Variants in CSRNP3 observed in about 807,000 individuals in gnomAD.
The protein encoded by CSRNP3 is cysteine and serine rich nuclear protein 3.
CSRNP3 carries 12 observed loss-of-function variants against 48.0 expected under a neutral mutation model. The ratio of observed to expected loss-of-function variants is 0.25; its 90% CI spans 0.16 to 0.41. CSRNP3 has a LOEUF of 0.41. Among genes scored for constraint, CSRNP3 ranks in the 10% least tolerant of loss-of-function variants. The pLI is 1.00. For synonymous variants in CSRNP3, 263 were observed against 269.7 expected (o/e 0.98, Z 0.24); for missense variants, 580 against 724.4 (o/e 0.80, Z 2.29).
In CSRNP3 at chr2:165,498,167, T is replaced by C. The variant is rs942314130; in HGVS notation, c.-113+3239T>C. ...TGATGGAAATATCTTACAGCAAACATGTTGTTTTACATTTACATGAAGGAA... is the reference window on the plus strand; with the variant it reads ...TGATGGAAATATCTTACAGCAAACACGTTGTTTTACATTTACATGAAGGAA... On this transcript the variant is annotated intron_variant, in intron 2 of 6. Coordinates refer to ENST00000651982, the MANE Select transcript of CSRNP3 (RefSeq NM_001172173.2). Among the ~76,000 whole-genome samples the C allele has an allele frequency of 7.9e-5, 12 of 152,054 alleles. No individual in the cohort carries two copies. The South Asian group carries it at 2.1e-3, about 26-fold the overall frequency.
chr2:165,490,326 A>G (rs1292808738), intron 1 of CSRNP3, among the ~76,000 whole-genome samples: 1 of 148,014 alleles, frequency 6.8e-6, no homozygotes, highest in Non-Finnish European at 1.5e-5. Context: ...AGAAAATTCC[A>G]TGCTCATGGG....
rs149528375 is a variant in CSRNP3 at position 165,528,863 on chromosome 2, A to C, written c.-24+10902A>C. On this transcript the variant is annotated intron_variant, in intron 3 of 6. Coordinates refer to ENST00000651982, the MANE Select transcript of CSRNP3 (RefSeq NM_001172173.2). ...TCCATGGGTCTGGCAGGAGCTGGGG[A>C]CAAGTGTGAGCCCCATTCCTTCCAA... 8.5e-3 allele frequency among the ~76,000 whole-genome samples: 1,290 copies of C among 152,210 alleles called. 23 individuals carry two copies. The highest frequency in any genetic ancestry group is 0.029 in the African/African-American group (1,211 of 41,528).
intron 2 of CSRNP3, among the ~76,000 whole-genome samples, chr2:165,508,472 CTTTT>C (rs1381213299): frequency 6.6e-6 from 1 of 151,996 alleles, no homozygotes; most frequent in Non-Finnish European, 1.5e-5. Flanking sequence ...TTTCTTTCTT[CTTTT>C]TTATTTTTTG....
chr2:165,623,658 A>G (rs550336855), intron 4 of CSRNP3, among the ~76,000 whole-genome samples: 1 of 152,332 alleles, frequency 6.6e-6, no homozygotes, highest in East Asian at 1.9e-4. Context: ...GAACACTGTA[A>G]TCATGCTTTT....
intron 3 of CSRNP3, among the ~76,000 whole-genome samples, chr2:165,529,303 A>G (rs1036895022): frequency 2.6e-5 from 4 of 152,044 alleles, no homozygotes; most frequent in Non-Finnish European, 5.9e-5. Context: ...TGAATTCCCA[A>G]AGGGACCCTG....
At chr2:165,534,470 G>A (rs1558927554) in intron 3 of CSRNP3, among the ~76,000 whole-genome samples, 3 of 151,850 alleles carry the variant, frequency 2.0e-5, no homozygotes, top group African/African-American at 7.2e-5. Flanking sequence ...AGAAATATTT[G>A]TTAAAACACT....
chr2:165,566,842 A>G (rs1685304542), intron 3 of CSRNP3: 1 of 152,032 alleles, frequency 6.6e-6, no homozygotes, highest in African/African-American at 2.4e-5. Flanking sequence ...ACTTGGTTCC[A>G]AGAGTATAGA....
intron 2 of CSRNP3, among the ~76,000 whole-genome samples, chr2:165,498,210 A>G (rs2105463130): frequency 6.6e-6 from 1 of 152,210 alleles, no homozygotes; most frequent in South Asian, 2.1e-4. Flanking sequence ...TGTCTTGGTG[A>G]CATAATGCTG....
intron 2 of CSRNP3, among the ~76,000 whole-genome samples, chr2:165,502,683 C>A (rs771564847): frequency 1.3e-5 from 2 of 151,842 alleles, no homozygotes; most frequent in Non-Finnish European, 2.9e-5. Context: ...GGTATTTTCT[C>A]TCTGTCTGTC....
At chr2:165,469,944 A>G (rs903726853) in intron 1 of CSRNP3, among the ~76,000 whole-genome samples, 1 of 152,102 alleles carries the variant, frequency 6.6e-6, no homozygotes, top group Non-Finnish European at 1.5e-5. Flanking sequence ...CTGATTAAAA[A>G]CAAAACAAAA....
chr2:165,678,935 G>T lies in CSRNP3; in HGVS notation c.940G>T (p.Ala314Ser), dbSNP rs575009422. The T allele has an allele frequency of 6.2e-7, 1 of 1,613,966 alleles. No individual in the cohort carries two copies. The highest frequency in any genetic ancestry group is 1.3e-5 in the African/African-American group (1 of 75,016). ...PVAHSVEYSIADSFEIETEPQ... is the reference protein window; with the variant it reads ...PVAHSVEYSISDSFEIETEPQ... ...CGCTCACTCCGTAGAATATTCAATC[G>T]CAGACAGTTTTGAGATTGAAACTGA... Residue 314 changes from alanine (A) to serine (S), a missense_variant, in exon 7 of 7, where the codon GCA (alanine) becomes TCA (serine). By Grantham distance (99) the Ala-to-Ser change is moderately conservative. Coordinates refer to ENST00000651982, the MANE Select transcript of CSRNP3 (RefSeq NM_001172173.2).
intron 4 of CSRNP3, among the ~76,000 whole-genome samples, chr2:165,615,040 T>C (rs956587725): frequency 6.6e-6 from 1 of 152,348 alleles, no homozygotes; most frequent in South Asian, 2.1e-4. Flanking sequence ...TCTTCAGCCA[T>C]TGGATTTAAT....
intron 5 of CSRNP3, 38 bp downstream of exon 5, chr2:165,658,058 C>T: frequency 1.3e-6 from 2 of 1,583,154 alleles, no homozygotes; most frequent in Non-Finnish European, 1.7e-6. Context: ...GTCTCATATC[C>T]TTACAGCAAT....
chr2:165,638,297 A>G (rs1686665178), intron 4 of CSRNP3, among the ~76,000 whole-genome samples: 2 of 152,170 alleles, frequency 1.3e-5, no homozygotes, highest in South Asian at 4.1e-4. Flanking sequence ...CCCCGTCCCT[A>G]CTAAAAATAC....
chr2:165,607,943 G>C (rs1686059159), intron 4 of CSRNP3, among the ~76,000 whole-genome samples: 1 of 151,406 alleles, frequency 6.6e-6, no homozygotes, highest in Non-Finnish European at 1.5e-5. Flanking sequence ...TCAGATTCTA[G>C]TAATCCCTCT....
intron 5 of CSRNP3, among the ~76,000 whole-genome samples, chr2:165,659,058 A>T (rs10178336): frequency 0.71 from 107,194 of 152,034 alleles, 38,375 homozygotes; most frequent in South Asian, 0.8. Flanking sequence ...TTTTTCCTCT[A>T]CTTCCTAAGG....
chr2:165,496,227 C>A (rs774322246), intron 2 of CSRNP3, among the ~76,000 whole-genome samples: 1 of 151,882 alleles, frequency 6.6e-6, no homozygotes, highest in Non-Finnish European at 1.5e-5. Flanking sequence ...AAAACACTTG[C>A]GAGAAGGGAA....
chr2:165,492,163 A>G (rs1684221431), intron 1 of CSRNP3, among the ~76,000 whole-genome samples: 1 of 151,972 alleles, frequency 6.6e-6, no homozygotes, highest in Admixed American at 6.6e-5. Flanking sequence ...GAGCCACTGA[A>G]TCCTCCCTAC....
At chr2:165,631,588 G>T (rs1011499463) in intron 4 of CSRNP3, among the ~76,000 whole-genome samples, 2 of 152,140 alleles carry the variant, frequency 1.3e-5, no homozygotes, top group African/African-American at 2.4e-5. Flanking sequence ...TTTTCTCCAT[G>T]CCTTAAAAGA....
Sources: allele counts gnomAD v4.1 joint callset (sites outside exome capture counted in the v4.1 genomes callset), GRCh38; gene constraint gnomAD v4.1.1; transcripts MANE v1.5; gene names NCBI Gene and HGNC (gene_info 2026-07-23, HGNC 2026-07-21).